CDKN2B-AS1: variants seen among roughly 807,000 people sequenced by gnomAD.
CDKN2B-AS1 encodes the protein CDKN2B antisense RNA 1 (non-protein coding).
chr9:22,036,069 C>CT (rs1348838798), intron 1 of CDKN2B-AS1, among the ~76,000 whole-genome samples: 1 of 152,054 alleles, frequency 6.6e-6, no homozygotes, highest in Non-Finnish European at 1.5e-5. Context: ...TTTCACCTTT[C>CT]TTTTTCTCTC....
intron 1 of CDKN2B-AS1, chr9:22,046,470 G>C (rs1043006193): frequency 3.3e-5 from 5 of 152,154 alleles, no homozygotes; most frequent in African/African-American, 1.2e-4. Flanking sequence ...AGTCTTGACT[G>C]TGTATAGATA....
At position 22,031,671 on chromosome 9, in the gene CDKN2B-AS1, C is replaced by T. The variant is rs560114666; in HGVS notation, n.30-15080C>T. 2.0e-5 allele frequency among the ~76,000 whole-genome samples: 3 copies of T among 152,304 alleles called. No homozygotes were observed. The East Asian group carries it at 5.8e-4, about 29-fold the overall frequency. ...AAACAAAGAAACTGAGAGCAGATCA[C>T]CAAGTTGCGGTAGGTTAGCCTAAGA... On this transcript the variant is annotated intron_variant and non_coding_transcript_variant, in intron 1 of 4. Transcript: ENST00000650946.
chr9:22,063,773 C>G (rs879779579), intron 4 of CDKN2B-AS1, among the ~76,000 whole-genome samples: 5 of 152,140 alleles, frequency 3.3e-5, no homozygotes, highest in African/African-American at 1.2e-4. Context: ...GACCCCGGAG[C>G]TGGAGGACTC....
In CDKN2B-AS1 at chr9:21,995,857, C is replaced by A. The variant is rs963495827; in HGVS notation, n.29+696C>A. 2.0e-5 allele frequency: 3 copies of A among 152,278 alleles called. No individual in the cohort carries two copies. The highest frequency in any genetic ancestry group is 4.4e-5 in the Non-Finnish European group (3 of 68,070). The allele number at this position is 152,278 out of a possible 1,614,324, so 9.4% of individuals were successfully genotyped here. On this transcript the variant is annotated intron_variant and non_coding_transcript_variant, in intron 1 of 4. Coordinates refer to ENST00000650946, the Ensembl canonical transcript of CDKN2B-AS1. This position sits in a 1 kb window ranked among gnomAD's most constrained non-coding sequence, Gnocchi z 5.7. ...CCGGCGCGCTGACCCGGTGCCCCGACCCGGAGCCTGCGGTCTGCCTGGATC... is the reference window on the plus strand; with the variant it reads ...CCGGCGCGCTGACCCGGTGCCCCGAACCGGAGCCTGCGGTCTGCCTGGATC...
At chr9:22,044,310 G>GTAGAATATCCTAGTAGGATATCC (rs894084621) in intron 1 of CDKN2B-AS1, among the ~76,000 whole-genome samples, 50 of 152,020 alleles carry the variant, frequency 3.3e-4, no homozygotes, top group African/African-American at 1.1e-3. Context: ...TAGAAACAGA[G>GTAGAATATCCTAGTAGGATATCC]TAGAATATCC....
At chr9:22,126,499 T>C (rs1427444754) in intron 4 of CDKN2B-AS1, among the ~76,000 whole-genome samples, 1 of 151,974 alleles carries the variant, frequency 6.6e-6, no homozygotes, top group African/African-American at 2.4e-5. Flanking sequence ...AGTTTGCTTA[T>C]CTTTCGAAAG....
chr9:22,032,980 G>A (rs1303132536), intron 1 of CDKN2B-AS1: 2 of 152,018 alleles, frequency 1.3e-5, no homozygotes, highest in Non-Finnish European at 2.9e-5. Context: ...CAGAAGGTGG[G>A]CAGCAGGTGA....
intron 1 of CDKN2B-AS1, among the ~76,000 whole-genome samples, chr9:22,027,698 G>A (rs113388289): frequency 3.9e-5 from 6 of 151,926 alleles, no homozygotes; most frequent in African/African-American, 1.2e-4. Flanking sequence ...CACTCTTTTC[G>A]GTCCTCAAAA....
rs75158970 is a variant in CDKN2B-AS1 at position 22,003,708 on chromosome 9, C to A, written n.29+8547C>A. 263 of 231,606 alleles carry A rather than the reference C, an allele frequency of 1.1e-3. 5 individuals carry two copies. The highest frequency in any genetic ancestry group is 7.0e-3 in the Admixed American group (125 of 17,732). 14.3% of individuals were successfully genotyped at this position (231,606 alleles called of 1,614,324 possible). A position where few individuals can be genotyped will look rare whatever the true frequency, so the allele number is the denominator to read the frequency against. Reference sequence around the variant, plus strand: ...GTGCTTCAGTTTGAAAATGGAGGTTCCATTATCTTTGTTCCAAAAATTTGG... The same window carrying A: ...GTGCTTCAGTTTGAAAATGGAGGTTACATTATCTTTGTTCCAAAAATTTGG... On this transcript the variant is annotated intron_variant and non_coding_transcript_variant, in intron 1 of 4. Coordinates refer to ENST00000650946, the Ensembl canonical transcript of CDKN2B-AS1.
intron 4 of CDKN2B-AS1, among the ~76,000 whole-genome samples, chr9:22,056,626 T>C (rs1029683758): frequency 1.1e-4 from 17 of 152,182 alleles, no homozygotes; most frequent in Non-Finnish European, 7.3e-5. Flanking sequence ...GGCCACAGTT[T>C]CTCGGTCTTC....
At chr9:22,044,728 T>G (rs1383832406) in intron 1 of CDKN2B-AS1, among the ~76,000 whole-genome samples, 2 of 151,798 alleles carry the variant, frequency 1.3e-5, no homozygotes, top group African/African-American at 4.8e-5. Context: ...TCCCCATCAT[T>G]TTTTTTTCTA....
chr9:22,104,408 G>C (rs185247552), intron 4 of CDKN2B-AS1, among the ~76,000 whole-genome samples: 3 of 152,142 alleles, frequency 2.0e-5, no homozygotes, highest in Non-Finnish European at 4.4e-5. Flanking sequence ...CATTTCACTT[G>C]CCCAAGTGAG....
At chr9:22,018,059 C>T (rs770474622) in intron 1 of CDKN2B-AS1, among the ~76,000 whole-genome samples, 11 of 152,338 alleles carry the variant, frequency 7.2e-5, no homozygotes, top group Non-Finnish European at 1.2e-4. Context: ...AAAAGTGGCT[C>T]ACGCCTGTAA....
intron 1 of CDKN2B-AS1, among the ~76,000 whole-genome samples, chr9:22,019,342 A>G (rs1346711009): frequency 6.6e-6 from 1 of 152,212 alleles, no homozygotes; most frequent in Non-Finnish European, 1.5e-5. Flanking sequence ...GTGGGCCAGT[A>G]GTTCAGAGGA....
Position 22,071,285 on chromosome 9 carries a change from C to CTTTTTT in CDKN2B-AS1, n.438+14924_438+14929dup, listed in dbSNP as rs71336509. Among the ~76,000 whole-genome samples the CTTTTTT allele has an allele frequency of 6.2e-4, 42 of 67,578 alleles. 2 individuals carry two copies. The highest frequency in any genetic ancestry group is 1.1e-3 in the African/African-American group (16 of 14,208). The allele number at this position is 67,578 out of a possible 152,430, so 44.3% of individuals were successfully genotyped here. ...AGAGGCCAGGCTTAGAAATATCTAG[C>CTTTTTT]TTTTTTTTTTTTTTTTTTTTTTTTT... On this transcript the variant is annotated intron_variant and non_coding_transcript_variant, in intron 4 of 4. Transcript: ENST00000650946.
chr9:22,061,840 A>G (rs1292904883), intron 4 of CDKN2B-AS1: 1 of 152,096 alleles, frequency 6.6e-6, no homozygotes, highest in Non-Finnish European at 1.5e-5. Flanking sequence ...TTGTACATAT[A>G]TAAATCTATA....
intron 4 of CDKN2B-AS1, among the ~76,000 whole-genome samples, chr9:22,115,093 C>T (rs1205639712): frequency 6.6e-6 from 1 of 152,052 alleles, no homozygotes; most frequent in African/African-American, 2.4e-5. Flanking sequence ...ATTATAGATT[C>T]CCAGCTGTAG....
At chr9:22,014,605 CTTTT>C (rs1274288608) in intron 1 of CDKN2B-AS1, among the ~76,000 whole-genome samples, 4 of 151,786 alleles carry the variant, frequency 2.6e-5, no homozygotes, top group African/African-American at 9.7e-5. Flanking sequence ...TAGAATCTTT[CTTTT>C]ATTATTATTA....
At chr9:22,089,675 C>T (rs1218975437) in intron 4 of CDKN2B-AS1, among the ~76,000 whole-genome samples, 1 of 151,990 alleles carries the variant, frequency 6.6e-6, no homozygotes, top group Non-Finnish European at 1.5e-5. Context: ...GTCTTGAACT[C>T]CTGGGCTCAA....
Sources: allele counts gnomAD v4.1 joint callset (sites outside exome capture counted in the v4.1 genomes callset), GRCh38; gene constraint gnomAD v4.1.1; non-coding constraint Gnocchi (gnomAD v3.1); transcripts MANE v1.5; gene names NCBI Gene and HGNC (gene_info 2026-07-23, HGNC 2026-07-21).